The following TGFA variants were observed in gnomAD, a reference collection of about 807,000 sequenced individuals.
The protein encoded by TGFA is transforming growth factor alpha, also known as protransforming growth factor alpha.
Under a neutral mutation model 21.7 loss-of-function variants are expected in TGFA, and 12 were observed. The ratio of observed to expected loss-of-function variants is 0.55; its 90% confidence interval spans 0.35 to 0.90. The LOEUF (loss-of-function observed/expected upper bound fraction) is 0.90. TGFA is among the 40% of genes least tolerant of loss of function. The probability of loss-of-function intolerance (pLI) is 0.01; values close to 1 mark genes in which losing one functional copy is unlikely to be tolerated. For synonymous variants in TGFA, 79 were observed against 88.1 expected (o/e 0.90, Z 0.58); for missense variants, 178 against 210.8 (o/e 0.84, Z 0.96).
intron 1 of TGFA, among the ~76,000 whole-genome samples, chr2:70,518,375 C>T (rs1165700594): frequency 2.0e-5 from 3 of 152,310 alleles, no homozygotes; most frequent in Admixed American, 6.5e-5. Context: ...GATCCTGTGT[C>T]CCTCAAAATA....
chr2:70,465,507 C>T, intron 3 of TGFA, 109 bp downstream of exon 3: 1 of 1,409,232 alleles, frequency 7.1e-7, no homozygotes, highest in Non-Finnish European at 9.7e-7. Flanking sequence ...ACACATCTGG[C>T]TCCAGGGGTC....
intron 2 of TGFA, among the ~76,000 whole-genome samples, chr2:70,479,570 T>C (rs1671048458): frequency 6.6e-6 from 1 of 152,236 alleles, no homozygotes; most frequent in Non-Finnish European, 1.5e-5. Flanking sequence ...TCTTTGATGA[T>C]TGTGTCAGCC....
At chr2:70,488,682 C>G (rs576651643) in intron 2 of TGFA, among the ~76,000 whole-genome samples, 3 of 152,094 alleles carry the variant, frequency 2.0e-5, no homozygotes, top group African/African-American at 7.2e-5. Flanking sequence ...TCCAGGTGAC[C>G]GTTAGAATCA....
At chr2:70,530,881 A>T (rs1392878612) in intron 1 of TGFA, among the ~76,000 whole-genome samples, 2 of 152,146 alleles carry the variant, frequency 1.3e-5, no homozygotes, top group African/African-American at 4.8e-5. Context: ...CCAGCCCAAG[A>T]CTGTGCTCTC....
intron 1 of TGFA, among the ~76,000 whole-genome samples, chr2:70,538,702 A>G (rs1673046437): frequency 6.6e-6 from 1 of 152,222 alleles, no homozygotes; most frequent in African/African-American, 2.4e-5. Flanking sequence ...TGGATGAACA[A>G]AGAAAGTGGT....
At chr2:70,509,432 G>T (rs182739915) in intron 2 of TGFA, among the ~76,000 whole-genome samples, 2 of 152,114 alleles carry the variant, frequency 1.3e-5, no homozygotes, top group South Asian at 4.1e-4. Flanking sequence ...CCACCTAAAC[G>T]TATTTAAGCC....
intron 1 of TGFA, among the ~76,000 whole-genome samples, chr2:70,549,081 G>A (rs13022217): frequency 5.1e-4 from 77 of 152,240 alleles, no homozygotes; most frequent in Middle Eastern, 3.4e-3. Context: ...TATTTGAAAC[G>A]GCAGCAAGAC....
chr2:70,543,989 T>C (rs1559144882), intron 1 of TGFA, among the ~76,000 whole-genome samples: 2 of 152,180 alleles, frequency 1.3e-5, no homozygotes, highest in South Asian at 2.1e-4. Context: ...TTTAACATAA[T>C]TGAGTCAATC....
chr2:70,498,008 G>A (rs1671627312), intron 2 of TGFA, among the ~76,000 whole-genome samples: 1 of 152,222 alleles, frequency 6.6e-6, no homozygotes, highest in African/African-American at 2.4e-5. Context: ...GAAAGCCAAT[G>A]TGGTATTTTT....
Position 70,460,381 on chromosome 2 carries a change from T to TA in TGFA, c.216-3894_216-3893insT, listed in dbSNP as rs544403187. On this transcript the variant is annotated intron_variant, in intron 3 of 5. Transcript: ENST00000295400. Reference sequence around the variant, plus strand: ...AAAAAGGTTTGGTGACATACTTTTTTTAAAAAAAAAACTTCCCAAGCTTCT... The same window carrying TA: ...AAAAAGGTTTGGTGACATACTTTTTTATAAAAAAAAAACTTCCCAAGCTTCT... Among the ~76,000 whole-genome samples, 729 of 91,934 alleles carry TA rather than the reference T, an allele frequency of 7.9e-3. 10 individuals carry two copies. The highest frequency in any genetic ancestry group is 0.033 in the African/African-American group (693 of 20,786). The allele number at this position is 91,934 out of a possible 152,430, so 60.3% of individuals were successfully genotyped here.
chr2:70,452,475 CATTA>C (rs11466267), intron 5 of TGFA, among the ~76,000 whole-genome samples: 13,013 of 152,104 alleles, frequency 0.086, 658 homozygotes, highest in Non-Finnish European at 0.11. Context: ...GTTTTAAGGT[CATTA>C]GAGACCTTTC....
At chr2:70,553,214 C>T in intron 1 of TGFA, 4 of 1,536,182 alleles carry the variant, frequency 2.6e-6, no homozygotes, top group Non-Finnish European at 3.5e-6. Context: ...GAAAAGAGAT[C>T]GAGGGCGCCT....
intron 1 of TGFA, among the ~76,000 whole-genome samples, chr2:70,544,812 G>A (rs1553505635): frequency 1.3e-5 from 2 of 152,124 alleles, no homozygotes; most frequent in Non-Finnish European, 1.5e-5. Flanking sequence ...CATGGCAGCT[G>A]AAAATGAAAA....
intron 2 of TGFA, among the ~76,000 whole-genome samples, chr2:70,480,443 A>G (rs1423146455): frequency 2.0e-5 from 3 of 152,226 alleles, no homozygotes; most frequent in African/African-American, 4.8e-5. Context: ...AGCTTCTAGT[A>G]CTGATATACA....
At chr2:70,545,267 A>AAAG (rs58387557) in intron 1 of TGFA, among the ~76,000 whole-genome samples, 17 of 151,894 alleles carry the variant, frequency 1.1e-4, no homozygotes, top group African/African-American at 3.9e-4. Flanking sequence ...AGACGAAGAA[A>AAAG]AAGAAGAAGA....
intron 2 of TGFA, among the ~76,000 whole-genome samples, chr2:70,489,467 T>C (rs2902345): frequency 0.57 from 87,048 of 152,138 alleles, 25,297 homozygotes; most frequent in African/African-American, 0.65. Context: ...ATCACACGGT[T>C]GCCACCCATT....
intron 2 of TGFA, among the ~76,000 whole-genome samples, chr2:70,498,740 T>C (rs1332915612): frequency 4.6e-5 from 7 of 152,238 alleles, no homozygotes; most frequent in Non-Finnish European, 1.0e-4. Context: ...CACCTGCCAG[T>C]GTATAATGGC....
chr2:70,479,048 T>C (rs782781724), intron 2 of TGFA, among the ~76,000 whole-genome samples: 39 of 152,346 alleles, frequency 2.6e-4, no homozygotes, highest in Non-Finnish European at 2.2e-4. Flanking sequence ...CCTCATTATT[T>C]TATATATAAA....
chr2:70,489,830 C>T (rs1553497249), intron 2 of TGFA, among the ~76,000 whole-genome samples: 2 of 152,176 alleles, frequency 1.3e-5, no homozygotes, highest in African/African-American at 4.8e-5. Context: ...AGTGTCAGGC[C>T]TCACCCCTGA....
Sources: allele counts gnomAD v4.1 joint callset (sites outside exome capture counted in the v4.1 genomes callset), GRCh38; gene constraint gnomAD v4.1.1; transcripts MANE v1.5; gene names NCBI Gene and HGNC (gene_info 2026-07-23, HGNC 2026-07-21).